Variants in ADGRA3 observed in about 807,000 individuals in gnomAD.
ADGRA3 encodes the protein G-protein coupled receptor 125.
A neutral mutation model predicts 119.8 loss-of-function variants in ADGRA3; 56 were observed. The ratio of observed to expected loss-of-function variants is 0.47; its 90% confidence interval spans 0.38 to 0.58. The LOEUF (loss-of-function observed/expected upper bound fraction) is 0.58, where lower values mean the gene tolerates loss of function less well. Ranked by LOEUF, ADGRA3 falls within the 20% of genes least tolerant of loss-of-function variation. ADGRA3 has a pLI of 0.00. For synonymous variants in ADGRA3, 607 were observed against 623.8 expected (o/e 0.97, Z 0.40); for missense variants, 1,516 against 1,649.0 (o/e 0.92, Z 1.40).
intron 2 of ADGRA3, among the ~76,000 whole-genome samples, chr4:22,469,817 C>G (rs1577367596): frequency 6.6e-6 from 1 of 152,190 alleles, no homozygotes; most frequent in South Asian, 2.1e-4. Flanking sequence ...ACCATCTCAT[C>G]CAGCATGAGC....
intron 14 of ADGRA3, among the ~76,000 whole-genome samples, chr4:22,408,082 C>T (rs1715025436): frequency 6.6e-6 from 1 of 151,928 alleles, no homozygotes; most frequent in Non-Finnish European, 1.5e-5. Context: ...GTTGCTTTTT[C>T]CCCACTAAGG....
intron 1 of ADGRA3, among the ~76,000 whole-genome samples, chr4:22,490,071 A>AT (rs987826570): frequency 9.2e-5 from 14 of 152,138 alleles, no homozygotes; most frequent in Middle Eastern, 3.4e-3. Flanking sequence ...AGGAGGCCTG[A>AT]TTTTTTTTCT....
chr4:22,424,397 A>G (rs1715847161), intron 10 of ADGRA3, 45 bp from the exon 11 acceptor site: 1 of 1,581,670 alleles, frequency 6.3e-7, no homozygotes, highest in African/African-American at 1.3e-5. Context: ...TAAAACCACC[A>G]TAAACTATTT....
intron 10 of ADGRA3, among the ~76,000 whole-genome samples, chr4:22,427,607 A>G (rs1386685217): frequency 1.3e-5 from 2 of 152,226 alleles, no homozygotes; most frequent in Non-Finnish European, 2.9e-5. Flanking sequence ...TATTCCCTAG[A>G]GCAGATAATC....
At chr4:22,436,106 C>T (rs1374452706) in intron 9 of ADGRA3, among the ~76,000 whole-genome samples, 1 of 152,050 alleles carries the variant, frequency 6.6e-6, no homozygotes, top group Non-Finnish European at 1.5e-5. Context: ...TAAGCAATCG[C>T]TTTCAACAAA....
rs373494359 is a variant in ADGRA3 at position 22,413,828 on chromosome 4, T to C, written c.1810-14A>G. On this transcript the variant is annotated splice_polypyrimidine_tract_variant and intron_variant, in intron 12 of 18. Coordinates refer to ENST00000334304, the MANE Select transcript of ADGRA3 (RefSeq NM_145290.4). ...CACAATAGTATTCTGAAAAAATATA[T>C]ATACATAAAAAAAGCTCACTACATT... 6.4e-6 allele frequency: 10 copies of C among 1,558,746 alleles called. No homozygotes were observed. Among genetic ancestry groups the C allele is most frequent in the Non-Finnish European group, 8.7e-6 (10 of 1,149,004 alleles).
chr4:22,476,669 G>C (rs200213852), intron 1 of ADGRA3, among the ~76,000 whole-genome samples: 1 of 148,566 alleles, frequency 6.7e-6, no homozygotes, highest in South Asian at 2.1e-4. Flanking sequence ...TTTCTGTTTT[G>C]GGTTTTTTTT....
intron 1 of ADGRA3, among the ~76,000 whole-genome samples, chr4:22,486,982 A>G (rs1368831306): frequency 6.6e-6 from 1 of 152,124 alleles, no homozygotes; most frequent in Non-Finnish European, 1.5e-5. Flanking sequence ...ACAGCTAGAG[A>G]ATGATAAAGC....
rs773391144 is a variant in ADGRA3 at position 22,388,072 on chromosome 4, C to T, written c.3599G>A (p.Gly1200Glu). 1.2e-6 allele frequency: 2 copies of T among 1,614,188 alleles called. No individual in the cohort carries two copies. Among genetic ancestry groups the T allele is most frequent in the Non-Finnish European group, 1.7e-6 (2 of 1,180,018 alleles). ...YAYDVPTSVE[G>E]SVQNGLPKSR... ...TTTAGGTAAGCCGTTCTGCACGCTT[C>T]CTTCCACGCTCGTTGGGACATCGTA... The change falls in exon 19 of 19, where the codon GGA becomes GAA. Residue 1200 changes from glycine (G) to glutamate (E), a missense_variant. This residue lies in a region of ADGRA3 where 1,088 missense variants were observed against 1,107.1 expected (regional missense o/e 0.98). Coordinates refer to ENST00000334304, the MANE Select transcript of ADGRA3 (RefSeq NM_145290.4).
intron 14 of ADGRA3, among the ~76,000 whole-genome samples, chr4:22,412,713 G>T (rs1188920469): frequency 1.3e-5 from 2 of 152,106 alleles, no homozygotes; most frequent in Non-Finnish European, 2.9e-5. Context: ...ACTGTCACTT[G>T]CAATGACAAA....
At chr4:22,437,241 T>C (rs1560316383) in intron 8 of ADGRA3, among the ~76,000 whole-genome samples, 1 of 152,108 alleles carries the variant, frequency 6.6e-6, no homozygotes, top group Non-Finnish European at 1.5e-5. Context: ...ACTTATCCAT[T>C]GGCAATAATA....
chr4:22,410,507 A>G (rs1715148793), intron 14 of ADGRA3, among the ~76,000 whole-genome samples: 1 of 152,090 alleles, frequency 6.6e-6, no homozygotes, highest in South Asian at 2.1e-4. Flanking sequence ...AAAATTCAAA[A>G]CTCTTAAAAT....
At chr4:22,407,345 C>T (rs185520867) in intron 14 of ADGRA3, among the ~76,000 whole-genome samples, 3 of 152,124 alleles carry the variant, frequency 2.0e-5, no homozygotes, top group African/African-American at 7.2e-5. Context: ...CAAGTTAAAG[C>T]TCTACAATGA....
chr4:22,387,749 C>A lies in ADGRA3; in HGVS notation c.3922G>T (p.Gly1308Cys). 6.2e-7 allele frequency: 1 copy of A among 1,613,458 alleles called. No homozygotes were observed. Reference sequence around the variant, plus strand: ...TTCCATAATCCAGTCCTAACATTGCCAGTGCTATCGGTACCGAGCAAGGGT... The same window carrying A: ...TTCCATAATCCAGTCCTAACATTGCAAGTGCTATCGGTACCGAGCAAGGGT... ...EGPLLGTDST[G>C]NVRTGLWKHE... The change falls in exon 19 of 19, where the codon GGC becomes TGC. Residue 1308 changes from glycine to cysteine, a missense_variant. Physicochemically the swap from Gly to Cys is radical, Grantham distance 159. This residue lies in a region of ADGRA3 where 1,088 missense variants were observed against 1,107.1 expected (regional missense o/e 0.98). Coordinates refer to ENST00000334304, the MANE Select transcript of ADGRA3 (RefSeq NM_145290.4).
intron 1 of ADGRA3, among the ~76,000 whole-genome samples, chr4:22,514,837 A>T (rs1018189961): frequency 6.6e-6 from 1 of 152,156 alleles, no homozygotes; most frequent in Non-Finnish European, 1.5e-5. Flanking sequence ...CAATCCGAAA[A>T]TCAAAAATCC....
chr4:22,391,828 T>C (rs981972033), intron 17 of ADGRA3, among the ~76,000 whole-genome samples: 11 of 152,184 alleles, frequency 7.2e-5, no homozygotes, highest in Middle Eastern at 3.2e-3. Context: ...CACTTTGTCA[T>C]GATCACAGTA....
At chr4:22,428,594 T>G (rs1234288939) in intron 10 of ADGRA3, among the ~76,000 whole-genome samples, 1 of 152,182 alleles carries the variant, frequency 6.6e-6, no homozygotes, top group African/African-American at 2.4e-5. Context: ...ATTATCATCA[T>G]TGCAGCAGCT....
intron 1 of ADGRA3, among the ~76,000 whole-genome samples, chr4:22,491,149 A>G (rs930420979): frequency 6.6e-6 from 1 of 152,238 alleles, no homozygotes; most frequent in Non-Finnish European, 1.5e-5. Context: ...GCCCTCTGAG[A>G]GCAATGAGCA....
chr4:22,466,745 C>A (rs1226694093), intron 2 of ADGRA3, among the ~76,000 whole-genome samples: 3 of 151,968 alleles, frequency 2.0e-5, no homozygotes, highest in Admixed American at 6.6e-5. Context: ...CAGCACTCTG[C>A]GCCCTGTCCT....
Sources: gnomAD v4.1 joint callset for allele counts (sites outside exome capture counted in the v4.1 genomes callset) on GRCh38, gnomAD v4.1.1 for gene constraint, gnomAD v4.1.1 regional missense constraint, MANE v1.5 for transcripts, NCBI Gene and HGNC (gene_info 2026-07-23, HGNC 2026-07-21) for gene names.